The following GRM5 variants were observed in gnomAD, a reference collection of about 807,000 sequenced individuals.
GRM5 encodes the protein metabotropic glutamate receptor 5.
Under a neutral mutation model 83.1 loss-of-function variants are expected in GRM5, and 19 were observed. The ratio of observed to expected loss-of-function variants is 0.23; its 90% CI spans 0.16 to 0.34. The LOEUF (loss-of-function observed/expected upper bound fraction) is 0.34, where lower values mean the gene tolerates loss of function less well. GRM5 is among the 10% of genes least tolerant of loss of function. The pLI, the probability that GRM5 is intolerant of heterozygous loss-of-function variation, is 1.00. For missense variants in GRM5, 1,160 were observed against 1,588.3 expected (o/e 0.73, Z 4.58); for synonymous variants, 675 against 633.6 (o/e 1.07, Z -0.98).
intron 9 of GRM5, among the ~76,000 whole-genome samples, chr11:88,517,043 T>A (rs74403507): frequency 0.015 from 2,214 of 152,154 alleles, 51 homozygotes; most frequent in African/African-American, 0.051. Context: ...ATTAATTGTG[T>A]ACCCAATTAA....
chr11:88,917,565 A>G (rs1378454900), intron 2 of GRM5, among the ~76,000 whole-genome samples: 4 of 152,314 alleles, frequency 2.6e-5, no homozygotes, highest in Middle Eastern at 6.8e-3. Flanking sequence ...GCTGTTTTGA[A>G]GAAACGCAAT....
chr11:88,555,287 T>C (rs749510812), intron 8 of GRM5, among the ~76,000 whole-genome samples: 1 of 152,118 alleles, frequency 6.6e-6, no homozygotes, highest in Non-Finnish European at 1.5e-5. Flanking sequence ...AGCAAAGCAA[T>C]CTCTCTGGCC....
chr11:88,602,190 A>G (rs1938018701), intron 5 of GRM5, among the ~76,000 whole-genome samples: 1 of 152,172 alleles, frequency 6.6e-6, no homozygotes, highest in Admixed American at 6.5e-5. Flanking sequence ...GTTTATCACA[A>G]TGTGAATATT....
At chr11:88,725,805 A>G (rs925254650) in intron 3 of GRM5, among the ~76,000 whole-genome samples, 5 of 151,100 alleles carry the variant, frequency 3.3e-5, no homozygotes, top group African/African-American at 9.7e-5. Context: ...CCTGACTGTT[A>G]GAAGGAAAAC....
intron 2 of GRM5, among the ~76,000 whole-genome samples, chr11:89,012,738 G>A (rs7947130): frequency 0.064 from 9,807 of 152,146 alleles, 1,041 homozygotes; most frequent in African/African-American, 0.22. Context: ...AAACATTAAC[G>A]TTAAAAGAGC....
At chr11:89,037,719 G>C (rs554198472) in intron 2 of GRM5, among the ~76,000 whole-genome samples, 1 of 151,916 alleles carries the variant, frequency 6.6e-6, no homozygotes, top group African/African-American at 2.4e-5. Context: ...ATTTTTGCTC[G>C]TTTTAAATGA....
At chr11:88,947,685 A>T (rs1938327093) in intron 2 of GRM5, among the ~76,000 whole-genome samples, 1 of 152,168 alleles carries the variant, frequency 6.6e-6, no homozygotes, top group African/African-American at 2.4e-5. Flanking sequence ...ATAATCCATT[A>T]TGACTGGAAG....
chr11:88,539,893 T>C (rs747380800), intron 8 of GRM5, among the ~76,000 whole-genome samples: 10 of 152,190 alleles, frequency 6.6e-5, no homozygotes, highest in Non-Finnish European at 2.9e-5. Context: ...TCTTCCTTCA[T>C]ACCAATTATT....
chr11:88,698,855 CATA>C (rs368951370), intron 3 of GRM5, among the ~76,000 whole-genome samples: 163 of 152,228 alleles, frequency 1.1e-3, no homozygotes, highest in African/African-American at 3.1e-3. Flanking sequence ...CTTCATTAAG[CATA>C]ATATTTGTAA....
At chr11:88,615,503 GAA>G (rs1938451713) in intron 4 of GRM5, among the ~76,000 whole-genome samples, 1 of 152,060 alleles carries the variant, frequency 6.6e-6, no homozygotes, top group Admixed American at 6.6e-5. Flanking sequence ...ACCAGAGAAG[GAA>G]GCACATGGCT....
chr11:88,997,486 T>C (rs1940224776), intron 2 of GRM5, among the ~76,000 whole-genome samples: 1 of 149,074 alleles, frequency 6.7e-6, no homozygotes, highest in African/African-American at 2.5e-5. Context: ...AAATAAAAAA[T>C]AGAGAAAATC....
At chr11:89,027,657 A>G (rs1261191201) in intron 2 of GRM5, among the ~76,000 whole-genome samples, 2 of 152,218 alleles carry the variant, frequency 1.3e-5, no homozygotes, top group African/African-American at 4.8e-5. Context: ...AAATCCTGAA[A>G]GGAAACACTT....
chr11:88,813,820 A>G (rs1203700005), intron 3 of GRM5, among the ~76,000 whole-genome samples: 1 of 152,172 alleles, frequency 6.6e-6, no homozygotes, highest in Non-Finnish European at 1.5e-5. Flanking sequence ...GTAGGAATAT[A>G]CAATACTGAA....
At position 88,793,394 on chromosome 11, in the gene GRM5, A is replaced by T. The variant is rs148943958; in HGVS notation, c.911+56512T>A. 5.7e-3 allele frequency among the ~76,000 whole-genome samples: 866 copies of T among 152,324 alleles called. 17 individuals are homozygous for T. In the East Asian group the frequency reaches 0.071, roughly 13 times the overall value. Reference sequence around the variant, plus strand: ...TAATGGATTTTATAGTGAACATCTAAGGACTGCTAGGTATTTCTGGACCTC... The same window carrying T: ...TAATGGATTTTATAGTGAACATCTATGGACTGCTAGGTATTTCTGGACCTC... On this transcript the variant is annotated intron_variant, in intron 3 of 9. Coordinates refer to ENST00000305447, the MANE Select transcript of GRM5 (RefSeq NM_001143831.3).
chr11:88,827,173 T>C (rs1329141190), intron 3 of GRM5, among the ~76,000 whole-genome samples: 1 of 152,208 alleles, frequency 6.6e-6, no homozygotes, highest in Non-Finnish European at 1.5e-5. Context: ...TAACTTCAAA[T>C]GCAAGACCTA....
chr11:88,591,225 G>C (rs570184129), intron 6 of GRM5, among the ~76,000 whole-genome samples: 6 of 152,208 alleles, frequency 3.9e-5, no homozygotes, highest in Non-Finnish European at 5.9e-5. Flanking sequence ...AATTTGTATT[G>C]GGTAGAACAT....
intron 8 of GRM5, among the ~76,000 whole-genome samples, chr11:88,546,317 T>C (rs1942384627): frequency 6.6e-6 from 1 of 152,086 alleles, no homozygotes; most frequent in Non-Finnish European, 1.5e-5. Flanking sequence ...TGAAGTTCTT[T>C]GAGAGCTGAG....
At chr11:89,000,146 A>G (rs1184742455) in intron 2 of GRM5, among the ~76,000 whole-genome samples, 2 of 151,998 alleles carry the variant, frequency 1.3e-5, no homozygotes, top group African/African-American at 2.4e-5. Context: ...CTAAATGAGG[A>G]GTTAATGGGT....
At chr11:88,779,688 C>T (rs1359349946) in intron 3 of GRM5, among the ~76,000 whole-genome samples, 1 of 152,146 alleles carries the variant, frequency 6.6e-6, no homozygotes, top group Non-Finnish European at 1.5e-5. Context: ...GCTGCTGCTC[C>T]TCCTCCTAAG....
Sources: allele counts gnomAD v4.1 joint callset (sites outside exome capture counted in the v4.1 genomes callset), GRCh38; gene constraint gnomAD v4.1.1; transcripts MANE v1.5; gene names NCBI Gene and HGNC (gene_info 2026-07-23, HGNC 2026-07-21).